Variants in VCL observed in about 807,000 individuals in gnomAD.
VCL encodes vinculin.
Under a neutral mutation model 125.7 loss-of-function variants are expected in VCL, and 47 were observed. The ratio of observed to expected loss-of-function variants is 0.37; its 90% CI spans 0.30 to 0.48. The LOEUF is 0.48. Ranked by LOEUF, VCL falls within the 20% of genes least tolerant of loss-of-function variation. The pLI is 0.99. For synonymous variants in VCL, 458 were observed against 514.6 expected, an observed-to-expected ratio of 0.89 and a Z score of 1.49; for missense variants, 1,069 against 1,455.5, an observed-to-expected ratio of 0.73 and a Z score of 4.32.
At chr10:74,067,928 A>G (rs1251714277) in intron 2 of VCL, among the ~76,000 whole-genome samples, 3 of 152,246 alleles carry the variant, frequency 2.0e-5, no homozygotes, top group Non-Finnish European at 4.4e-5. Context: ...GTTGCACAAC[A>G]CTGTGAATAC....
chr10:74,014,238 G>A (rs1357234543), intron 1 of VCL, among the ~76,000 whole-genome samples: 1 of 151,890 alleles, frequency 6.6e-6, no homozygotes, highest in Non-Finnish European at 1.5e-5. Context: ...TTTCTTTTCT[G>A]TTCTTTTTTT....
chr10:74,054,687 A>G (rs1353767472), intron 2 of VCL, among the ~76,000 whole-genome samples: 2 of 152,150 alleles, frequency 1.3e-5, no homozygotes, highest in African/African-American at 4.8e-5. Context: ...TCGGGAGGCC[A>G]GGGCAGGAGG....
intron 6 of VCL, chr10:74,076,653 A>T (rs1839591403): frequency 6.6e-6 from 1 of 152,650 alleles, no homozygotes; most frequent in Non-Finnish European, 1.5e-5. Flanking sequence ...CCTGTCCTTC[A>T]TAATAATCCT....
intron 8 of VCL, among the ~76,000 whole-genome samples, chr10:74,086,255 A>G (rs997988869): frequency 2.0e-5 from 3 of 152,314 alleles, no homozygotes; most frequent in Admixed American, 6.5e-5. Context: ...TCCTTACCTA[A>G]AAAGATGCAT....
chr10:74,043,545 C>G (rs1039598740), intron 2 of VCL, among the ~76,000 whole-genome samples: 1 of 151,970 alleles, frequency 6.6e-6, no homozygotes, highest in South Asian at 2.1e-4. Context: ...TGGGGTTTCA[C>G]CATGTTGGCC....
chr10:74,072,508 A>G (rs1841676969), intron 4 of VCL, among the ~76,000 whole-genome samples: 1 of 152,202 alleles, frequency 6.6e-6, no homozygotes, highest in Non-Finnish European at 1.5e-5. Context: ...TTATATCAAA[A>G]TATGAAAATG....
chr10:74,109,263 T>C, intron 18 of VCL, 107 bp downstream of exon 18: 2 of 1,384,486 alleles, frequency 1.4e-6, no homozygotes, highest in South Asian at 1.2e-5. Context: ...CCTCTCTCTC[T>C]CCTTTGGTTC....
chr10:74,095,912 G>A lies in VCL; in HGVS notation c.1743+57G>A, dbSNP rs75474954. Reference sequence around the variant, plus strand: ...TTTATGCTTCCTATTATTGAAAGACGAGGGAAGGAAGAGAGAGTTTTGAAA... The same window carrying A: ...TTTATGCTTCCTATTATTGAAAGACAAGGGAAGGAAGAGAGAGTTTTGAAA... On this transcript the variant is annotated intron_variant, in intron 12 of 21. Transcript: ENST00000211998. 1.5e-3 allele frequency: 2,456 copies of A among 1,585,706 alleles called. 57 individuals carry two copies. The East Asian group carries it at 0.044, about 28-fold the overall frequency.
intron 2 of VCL, among the ~76,000 whole-genome samples, chr10:74,055,094 G>A (rs1212431420): frequency 6.6e-6 from 1 of 152,064 alleles, no homozygotes; most frequent in Non-Finnish European, 1.5e-5. Flanking sequence ...GAGGTCAGGA[G>A]TTCAAGACCA....
chr10:74,096,773 A>G (rs1439421767), intron 12 of VCL, among the ~76,000 whole-genome samples: 1 of 152,246 alleles, frequency 6.6e-6, no homozygotes, highest in Non-Finnish European at 1.5e-5. Context: ...AAGACAATAA[A>G]TTGCTTAGAA....
At chr10:74,078,195 G>A (rs1232125319) in intron 6 of VCL, among the ~76,000 whole-genome samples, 4 of 152,102 alleles carry the variant, frequency 2.6e-5, no homozygotes, top group African/African-American at 7.2e-5. Flanking sequence ...CTGCAGCTTT[G>A]CACCGTGAAT....
At chr10:74,107,475 G>A (rs1840154103) in intron 17 of VCL, 121 bp downstream of exon 17, 2 of 1,511,928 alleles carry the variant, frequency 1.3e-6, no homozygotes, top group Non-Finnish European at 1.8e-6. Context: ...TTCATTTGAA[G>A]CTTAGTGGGA....
chr10:74,056,466 T>G (rs145917025), intron 2 of VCL, among the ~76,000 whole-genome samples: 23 of 152,246 alleles, frequency 1.5e-4, no homozygotes, highest in Admixed American at 3.9e-4. Context: ...GAACAAGAAG[T>G]CCACTTTGCA....
chr10:74,112,113 G>A lies in VCL; in HGVS notation c.2949+1G>A, dbSNP rs1840234341. On this transcript the variant is annotated splice_donor_variant, in intron 19 of 21. Coordinates refer to ENST00000211998, the MANE Select transcript of VCL (RefSeq NM_014000.3). LOFTEE classifies it high-confidence loss of function. ...GGAAGCTACCAAGTGGTCTAGTAAG[G>A]TACTGATAAGCACCCCCAGTTGGGG... is the stretch of plus-strand genomic sequence containing the variant. The A allele has an allele frequency of 1.9e-6, 3 of 1,614,192 alleles. No homozygotes were observed. The highest frequency in any genetic ancestry group is 2.5e-6 in the Non-Finnish European group (3 of 1,180,042).
chr10:74,077,061 C>T (rs1171297046), intron 6 of VCL: 6 of 152,568 alleles, frequency 3.9e-5, no homozygotes, highest in Admixed American at 3.3e-4. Flanking sequence ...TGGTACTCAC[C>T]GTGTACAGTC....
intron 1 of VCL, among the ~76,000 whole-genome samples, chr10:74,033,236 A>T (rs1172885996): frequency 6.6e-6 from 1 of 152,252 alleles, no homozygotes. Flanking sequence ...AGATGAAAGA[A>T]GCTAGTCACT....
intron 2 of VCL, among the ~76,000 whole-genome samples, chr10:74,044,429 C>A (rs771087926): frequency 1.3e-5 from 2 of 152,136 alleles, no homozygotes; most frequent in Non-Finnish European, 2.9e-5. Context: ...CTTGAATAGG[C>A]ACCTCAAAAG....
intron 1 of VCL, among the ~76,000 whole-genome samples, chr10:74,039,011 A>G (rs1301274854): frequency 6.6e-6 from 1 of 152,100 alleles, no homozygotes; most frequent in Non-Finnish European, 1.5e-5. Flanking sequence ...TCCCAGGTTC[A>G]AGCGATTCTC....
rs771151560 is a variant in VCL, at chr10:74,094,475, T to C, written c.1543+14T>C. ...ACCGTGGAGTCGGTAAGGGCAGCAG[T>C]GCACTATAACCTCATTAAATTGGTC... is the stretch of plus-strand genomic sequence containing the variant. On this transcript the variant is annotated intron_variant, in intron 11 of 21. Coordinates refer to ENST00000211998, the MANE Select transcript of VCL (RefSeq NM_014000.3). 2.5e-6 allele frequency: 4 copies of C among 1,610,990 alleles called. No individual in the cohort carries two copies. The South Asian group carries it at 3.3e-5, about 13-fold the overall frequency.
Sources: allele counts gnomAD v4.1 joint callset (sites outside exome capture counted in the v4.1 genomes callset), GRCh38; gene constraint gnomAD v4.1.1; transcripts MANE v1.5; gene names NCBI Gene and HGNC (gene_info 2026-07-23, HGNC 2026-07-21).